CHCHD3: variants seen among roughly 807,000 people sequenced by gnomAD.
CHCHD3 encodes the protein MICOS complex subunit MIC19.
Under a neutral mutation model 38.2 loss-of-function variants are expected in CHCHD3, and 20 were observed. The observed-to-expected ratio is 0.52, with a 90% CI of 0.37 to 0.76. The LOEUF (loss-of-function observed/expected upper bound fraction) is 0.76, where lower values mean the gene tolerates loss of function less well. Ranked by LOEUF, CHCHD3 falls within the 30% of genes least tolerant of loss-of-function variation. The probability of loss-of-function intolerance (pLI) is 0.00; values close to 1 mark genes in which losing one functional copy is unlikely to be tolerated. For synonymous variants in CHCHD3, 82 were observed against 100.0 expected, an observed-to-expected ratio of 0.82 and a Z score of 1.07; for missense variants, 245 against 279.2, an observed-to-expected ratio of 0.88 and a Z score of 0.87.
At position 133,067,741 on chromosome 7, in the gene CHCHD3, T is replaced by C. The variant is rs191285888; in HGVS notation, c.169+2401A>G. 1.4e-4 allele frequency among the ~76,000 whole-genome samples: 22 copies of C among 152,378 alleles called. 1 individual carries two copies. The East Asian group carries it at 4.2e-3, about 29-fold the overall frequency. On this transcript the variant is annotated intron_variant, in intron 2 of 7. Coordinates refer to ENST00000262570, the MANE Select transcript of CHCHD3 (RefSeq NM_017812.4). ...TATCTCCTAGGTTTCTTTTATACTA[T>C]GTTTCTACCTCCCTTACAGTCTTGT... is the stretch of plus-strand genomic sequence containing the variant.
chr7:133,078,719 G>A (rs1340936512), intron 1 of CHCHD3, among the ~76,000 whole-genome samples: 3 of 152,224 alleles, frequency 2.0e-5, no homozygotes, highest in African/African-American at 7.2e-5. Flanking sequence ...GAGACCGTCT[G>A]TACTATCTTT....
At chr7:133,006,230 C>CCAAGG (rs1427424477) in intron 3 of CHCHD3, among the ~76,000 whole-genome samples, 1 of 152,080 alleles carries the variant, frequency 6.6e-6, no homozygotes, top group Non-Finnish European at 1.5e-5. Flanking sequence ...GTTTGCAAGG[C>CCAAGG]CAAGGCAGGC....
chr7:132,805,812 C>T (rs1432497535), intron 6 of CHCHD3, among the ~76,000 whole-genome samples: 1 of 152,048 alleles, frequency 6.6e-6, no homozygotes, highest in Non-Finnish European at 1.5e-5. Flanking sequence ...GATGTGGTAA[C>T]TGAGAGGACA....
chr7:133,012,438 T>C (rs1007346483), intron 3 of CHCHD3, among the ~76,000 whole-genome samples: 4 of 152,130 alleles, frequency 2.6e-5, no homozygotes, highest in Admixed American at 2.0e-4. Flanking sequence ...GCTCCATAAT[T>C]AAGGCATAGT....
At chr7:133,079,124 A>G (rs1288197688) in intron 1 of CHCHD3, among the ~76,000 whole-genome samples, 2 of 152,270 alleles carry the variant, frequency 1.3e-5, no homozygotes, top group South Asian at 2.1e-4. Flanking sequence ...CCCATTTCCC[A>G]GTCCATACCC....
At chr7:132,995,918 G>A (rs541239236) in intron 3 of CHCHD3, among the ~76,000 whole-genome samples, 49 of 152,234 alleles carry the variant, frequency 3.2e-4, no homozygotes, top group African/African-American at 1.1e-3. Flanking sequence ...TTTAACAGGT[G>A]TTTTATGTAT....
At chr7:132,825,482 T>A (rs1221778350) in intron 6 of CHCHD3, among the ~76,000 whole-genome samples, 2 of 152,234 alleles carry the variant, frequency 1.3e-5, no homozygotes, top group Non-Finnish European at 1.5e-5. Context: ...GGTTCCCACT[T>A]CTTGTCAATT....
At chr7:132,880,016 C>G (rs1292183945) in intron 5 of CHCHD3, among the ~76,000 whole-genome samples, 1 of 152,106 alleles carries the variant, frequency 6.6e-6, no homozygotes, top group African/African-American at 2.4e-5. Context: ...GAAAATTATG[C>G]ATTTTTGAAT....
At chr7:132,956,994 G>C (rs950440022) in intron 4 of CHCHD3, among the ~76,000 whole-genome samples, 8 of 152,198 alleles carry the variant, frequency 5.3e-5, no homozygotes, top group Admixed American at 4.6e-4. Flanking sequence ...CAGAGGGAGA[G>C]AGCTTCCCCA....
chr7:132,994,047 G>C (rs567691839), intron 3 of CHCHD3, among the ~76,000 whole-genome samples: 1 of 152,310 alleles, frequency 6.6e-6, no homozygotes, highest in Admixed American at 6.5e-5. Flanking sequence ...AAAAGTGCAA[G>C]ATAGGGCAAT....
intron 2 of CHCHD3, among the ~76,000 whole-genome samples, chr7:133,055,772 G>A (rs892241743): frequency 3.3e-5 from 5 of 151,680 alleles, no homozygotes; most frequent in African/African-American, 4.8e-5. Flanking sequence ...CTGTTGAGGT[G>A]ACTTTGGAGG....
rs371439535 is a variant in CHCHD3 at position 132,956,110 on chromosome 7, A to G, written c.369+19059T>C. On this transcript the variant is annotated intron_variant, in intron 4 of 7. Coordinates refer to ENST00000262570, the MANE Select transcript of CHCHD3 (RefSeq NM_017812.4). ...TAAGAGAGAAAGGCTGAGGTTCTCT[A>G]AGGAAGAGGGAATTCTACCTCCAGA... Among the ~76,000 whole-genome samples, 21 of 152,354 alleles carry G rather than the reference A, an allele frequency of 1.4e-4. 1 individual carries two copies. Among genetic ancestry groups the G allele is most frequent in the Middle Eastern group, 3.4e-3 (1 of 294 alleles).
chr7:132,859,813 G>T (rs1808436337), intron 5 of CHCHD3, among the ~76,000 whole-genome samples: 1 of 152,092 alleles, frequency 6.6e-6, no homozygotes, highest in African/African-American at 2.4e-5. Flanking sequence ...CCTACACTTG[G>T]TCTCTTAGCG....
At chr7:132,930,432 G>A (rs781283946) in intron 4 of CHCHD3, among the ~76,000 whole-genome samples, 54 of 152,134 alleles carry the variant, frequency 3.5e-4, no homozygotes, top group Non-Finnish European at 6.8e-4. Context: ...GCCTCCCAAA[G>A]TGCTGGGATT....
In CHCHD3 at chr7:133,050,340, T is replaced by TAAA. The variant is rs35635002; in HGVS notation, c.169+19799_169+19801dup. 2.0e-3 allele frequency among the ~76,000 whole-genome samples: 64 copies of TAAA among 31,844 alleles called. 9 individuals are homozygous for TAAA. The highest frequency in any genetic ancestry group is 4.3e-3 in the South Asian group (3 of 702). The allele number at this position is 31,844 out of a possible 152,430, so 20.9% of individuals were successfully genotyped here. ...CTGAGTAACAGAGGAGGCTGTGTCT[T>TAAA]AAAAAAAAAAAAAAAAAAAAAAAAA... is the stretch of plus-strand genomic sequence containing the variant. On this transcript the variant is annotated intron_variant, in intron 2 of 7. Coordinates refer to ENST00000262570, the MANE Select transcript of CHCHD3 (RefSeq NM_017812.4).
At chr7:132,835,190 C>G (rs1398742152) in intron 6 of CHCHD3, among the ~76,000 whole-genome samples, 2 of 150,538 alleles carry the variant, frequency 1.3e-5, no homozygotes, top group African/African-American at 4.9e-5. Context: ...CCATGTTGGA[C>G]AGGCTGGTCT....
At chr7:132,940,146 A>G (rs750475160) in intron 4 of CHCHD3, among the ~76,000 whole-genome samples, 2 of 152,228 alleles carry the variant, frequency 1.3e-5, no homozygotes, top group Non-Finnish European at 2.9e-5. Context: ...TAGATTAGTC[A>G]CAGCTACTCA....
intron 3 of CHCHD3, among the ~76,000 whole-genome samples, chr7:132,987,169 T>C (rs1812143117): frequency 6.6e-6 from 1 of 152,120 alleles, no homozygotes; most frequent in Non-Finnish European, 1.5e-5. Flanking sequence ...AGCCTATAGA[T>C]TAGGGGATCA....
rs543918269 is a variant in CHCHD3 at position 132,907,441 on chromosome 7, A to G, written c.370-21696T>C. On this transcript the variant is annotated intron_variant, in intron 4 of 7. Transcript: ENST00000262570. The stretch of plus-strand genomic sequence containing the variant: ...AATAAAGGATTTCATCAACTGGACT[A>G]GAACTTGAAAGCCAGATGAGTAGGA... 9.2e-5 allele frequency among the ~76,000 whole-genome samples: 14 copies of G among 152,360 alleles called. No individual in the cohort carries two copies. The South Asian group carries it at 2.9e-3, about 32-fold the overall frequency.
Sources: allele counts gnomAD v4.1 joint callset (sites outside exome capture counted in the v4.1 genomes callset), GRCh38; gene constraint gnomAD v4.1.1; transcripts MANE v1.5; gene names NCBI Gene and HGNC (gene_info 2026-07-23, HGNC 2026-07-21).